Variants in ARMC2 observed in about 807,000 individuals in gnomAD.
The protein encoded by ARMC2 is armadillo repeat-containing protein 2.
A neutral mutation model predicts 90.3 loss-of-function variants in ARMC2; 67 were observed. That is an observed-to-expected ratio of 0.74 (90% CI 0.61 to 0.91). ARMC2 has a LOEUF of 0.91. Among genes scored for constraint, ARMC2 ranks in the 40% least tolerant of loss-of-function variants. The pLI is 0.00. For synonymous variants in ARMC2, 393 were observed against 393.0 expected, an observed-to-expected ratio of 1.00 and a Z score of 0.00; for missense variants, 920 against 1,030.9, an observed-to-expected ratio of 0.89 and a Z score of 1.47.
Position 108,852,909 on chromosome 6 carries a change from A to C in ARMC2, c.-43-1316A>C, listed in dbSNP as rs76495544. 4.1e-3 allele frequency among the ~76,000 whole-genome samples: 617 copies of C among 152,308 alleles called. 2 individuals are homozygous for C. Among genetic ancestry groups the C allele is most frequent in the African/African-American group, 0.014 (578 of 41,564 alleles). On this transcript the variant is annotated intron_variant, in intron 1 of 17. Coordinates refer to ENST00000392644, the MANE Select transcript of ARMC2 (RefSeq NM_032131.6). ...AATTTGTATTATGCATCCAAAAATA[A>C]TATACAATATGTAGATATAAAAAAT...
intron 10 of ARMC2, among the ~76,000 whole-genome samples, chr6:108,913,230 G>A (rs145986032): frequency 1.3e-5 from 2 of 152,272 alleles, no homozygotes; most frequent in Admixed American, 6.5e-5. Context: ...TCAAATAATA[G>A]CATCTTTGAT....
At chr6:108,924,551 C>T (rs1308724277) in intron 10 of ARMC2, among the ~76,000 whole-genome samples, 1 of 151,828 alleles carries the variant, frequency 6.6e-6, no homozygotes, top group Non-Finnish European at 1.5e-5. Context: ...AAAGTGTAAT[C>T]GAGGGCACTC....
the ARMC2 span, among the ~76,000 whole-genome samples, chr6:109,012,736 GT>G: frequency 6.6e-6 from 1 of 152,144 alleles, no homozygotes. Flanking sequence ...AAAGGAAAGA[GT>G]GATCCATTAG....
chr6:108,952,200 C>G (rs1408318864), intron 12 of ARMC2, among the ~76,000 whole-genome samples: 1 of 152,194 alleles, frequency 6.6e-6, no homozygotes, highest in Non-Finnish European at 1.5e-5. Context: ...GAAGGCTGAT[C>G]TGGACTCATA....
chr6:108,992,965 A>C, the ARMC2 span: 1 of 1,032,394 alleles, frequency 9.7e-7, no homozygotes, highest in Non-Finnish European at 1.5e-6. Context: ...TTTTACCCAA[A>C]GGAGTAAAAA....
At chr6:109,047,376 C>T in the ARMC2 span, among the ~76,000 whole-genome samples, 3 of 136,742 alleles carry the variant, frequency 2.2e-5, no homozygotes, top group Admixed American at 7.0e-5. Context: ...GCCAGCCGCC[C>T]CGTCCGGGAG....
chr6:108,987,092 T>G, the ARMC2 span: 2 of 153,928 alleles, frequency 1.3e-5, no homozygotes, highest in East Asian at 3.8e-4. Context: ...TTATTACTAA[T>G]AGCTTAACTG....
intron 2 of ARMC2, among the ~76,000 whole-genome samples, chr6:108,854,701 G>C (rs1016884630): frequency 6.6e-6 from 1 of 152,128 alleles, no homozygotes; most frequent in Non-Finnish European, 1.5e-5. Flanking sequence ...CCACCAGAGT[G>C]GTACATTGGT....
chr6:108,881,261 TTTC>T (rs1210513135), intron 5 of ARMC2, among the ~76,000 whole-genome samples: 2 of 121,864 alleles, frequency 1.6e-5, no homozygotes, highest in Non-Finnish European at 1.8e-5. Context: ...TTCTTTCTTC[TTTC>T]TTTTCTTCTC....
rs531046146 is a variant in ARMC2 at position 108,936,909 on chromosome 6, T to C, written c.1506T>C (p.Thr502=). 38 of 1,595,644 alleles carry C rather than the reference T, an allele frequency of 2.4e-5. No individual in the cohort carries two copies. In the East Asian group the frequency reaches 8.1e-4, roughly 34 times the overall value. ...TNIARIFSKL[T]SYRDCCTALA... is the part of the protein sequence containing the mutation. ...TTTGGCATTTCTGCAGCAAACTTAC[T>C]TCTTACCGTGACTGCTGCACAGCCT... The change falls in exon 12 of 18, where the codon ACT becomes ACC. Residue 502 remains threonine, a synonymous_variant. Transcript: ENST00000392644.
At chr6:108,872,053 T>A (rs1489266831) in intron 4 of ARMC2, among the ~76,000 whole-genome samples, 2 of 152,222 alleles carry the variant, frequency 1.3e-5, no homozygotes. Flanking sequence ...TCCCTGGGTT[T>A]CATTTCAGAT....
intron 5 of ARMC2, among the ~76,000 whole-genome samples, chr6:108,878,966 C>T (rs1351801944): frequency 6.6e-6 from 1 of 151,820 alleles, no homozygotes; most frequent in African/African-American, 2.4e-5. Context: ...CCCATTCATC[C>T]ACCCATCCAA....
the ARMC2 span, among the ~76,000 whole-genome samples, chr6:108,987,987 T>C: frequency 1.3e-5 from 2 of 152,114 alleles, no homozygotes; most frequent in African/African-American, 2.4e-5. Flanking sequence ...GTATTTTTAG[T>C]ATCACCATGT....
chr6:109,008,130 C>G, the ARMC2 span, among the ~76,000 whole-genome samples: 78 of 152,292 alleles, frequency 5.1e-4, no homozygotes, highest in African/African-American at 1.9e-3. Flanking sequence ...AAGCCAAAAT[C>G]TATTTCTTTA....
chr6:108,980,855 A>G, the ARMC2 span, among the ~76,000 whole-genome samples: 1 of 152,164 alleles, frequency 6.6e-6, no homozygotes, highest in Non-Finnish European at 1.5e-5. Flanking sequence ...GTGCCACTGC[A>G]CTATAGCCTG....
At chr6:109,030,106 C>T in the ARMC2 span, among the ~76,000 whole-genome samples, 4 of 152,164 alleles carry the variant, frequency 2.6e-5, no homozygotes, top group African/African-American at 2.4e-5. Context: ...GGGTCTTAGA[C>T]ACGTGTCTGC....
the ARMC2 span, chr6:108,987,347 T>G: frequency 6.2e-6 from 3 of 484,766 alleles, no homozygotes; most frequent in Non-Finnish European, 1.1e-5. Context: ...TTCACAGCTC[T>G]AAACTTGAAG....
chr6:109,016,110 C>T, the ARMC2 span, among the ~76,000 whole-genome samples: 1 of 152,162 alleles, frequency 6.6e-6, no homozygotes, highest in Non-Finnish European at 1.5e-5. Flanking sequence ...AGGATTTTTA[C>T]CCGTGGTTAA....
At chr6:108,998,583 C>G in the ARMC2 span, 1 of 1,613,842 alleles carries the variant, frequency 6.2e-7, no homozygotes, top group Non-Finnish European at 8.5e-7. Flanking sequence ...GTCACAGATG[C>G]AGTAGTTGCT....
Sources: allele counts gnomAD v4.1 joint callset (sites outside exome capture counted in the v4.1 genomes callset), GRCh38; gene constraint gnomAD v4.1.1; transcripts MANE v1.5; gene names NCBI Gene and HGNC (gene_info 2026-07-23, HGNC 2026-07-21).